LRRC37A2: variants seen among roughly 807,000 people sequenced by gnomAD.
The protein encoded by LRRC37A2 is leucine-rich repeat-containing protein 37A2.
LRRC37A2 carries 9 observed loss-of-function variants against 68.8 expected under a neutral mutation model. That is an observed-to-expected ratio of 0.13 (90% CI 0.08 to 0.23). The LOEUF is 0.23. LRRC37A2 is among the 10% of genes least tolerant of loss of function. The probability of loss-of-function intolerance (pLI) is 1.00; values close to 1 mark genes in which losing one functional copy is unlikely to be tolerated. For synonymous variants in LRRC37A2, 63 were observed against 367.6 expected (o/e 0.17, Z 9.48); for missense variants, 168 against 950.4 (o/e 0.18, Z 10.82).
the LRRC37A2 span, among the ~76,000 whole-genome samples, chr17:46,420,997 C>T: frequency 1.9e-5 from 1 of 52,234 alleles, no homozygotes; most frequent in Admixed American, 1.6e-4. Flanking sequence ...TGGGGTTTCA[C>T]CATGTTAATC....
At chr17:46,678,990 C>T in the LRRC37A2 span, among the ~76,000 whole-genome samples, 1 of 151,348 alleles carries the variant, frequency 6.6e-6, no homozygotes, top group East Asian at 1.9e-4. Context: ...AGTTGTGAAT[C>T]TCACAAATAA....
the LRRC37A2 span, among the ~76,000 whole-genome samples, chr17:46,981,484 G>C: frequency 6.6e-6 from 1 of 152,084 alleles, no homozygotes; most frequent in Admixed American, 6.6e-5. Flanking sequence ...TTTTAATGCA[G>C]AAAGAAGGCA....
chr17:46,980,851 TA>T, the LRRC37A2 span, among the ~76,000 whole-genome samples: 2 of 150,870 alleles, frequency 1.3e-5, no homozygotes, highest in African/African-American at 4.9e-5. Context: ...TAAAATAAAA[TA>T]AAATAAAAAA....
chr17:47,017,040 C>T, the LRRC37A2 span, among the ~76,000 whole-genome samples: 6 of 135,812 alleles, frequency 4.4e-5, no homozygotes, highest in African/African-American at 1.1e-4. Flanking sequence ...AGGGGTGTTC[C>T]GGCAGGGCAG....
the LRRC37A2 span, among the ~76,000 whole-genome samples, chr17:46,742,879 A>C: frequency 1.3e-5 from 2 of 152,192 alleles, no homozygotes; most frequent in African/African-American, 4.8e-5. Context: ...GTCTCTGTTG[A>C]ATAATACAAG....
At chr17:46,812,341 C>T in the LRRC37A2 span, among the ~76,000 whole-genome samples, 10 of 152,246 alleles carry the variant, frequency 6.6e-5, no homozygotes, top group Non-Finnish European at 1.2e-4. Context: ...CCCCTACCCC[C>T]GCCCCAAGAA....
the LRRC37A2 span, among the ~76,000 whole-genome samples, chr17:46,490,568 C>G: frequency 6.6e-6 from 1 of 150,468 alleles, no homozygotes; most frequent in East Asian, 2.0e-4. Context: ...ACTAAAAATA[C>G]AAAAAATTAG....
the LRRC37A2 span, among the ~76,000 whole-genome samples, chr17:46,779,950 G>C: frequency 1.3e-5 from 2 of 152,252 alleles, no homozygotes; most frequent in Non-Finnish European, 2.9e-5. Context: ...GTAGAGACAG[G>C]GTTTCGCAAT....
chr17:46,972,096 T>TC, the LRRC37A2 span, among the ~76,000 whole-genome samples: 145,229 of 152,188 alleles, frequency 0.95, 69,660 homozygotes, highest in East Asian at 1. Context: ...CGCTTTATGT[T>TC]CTATAGAGAC....
chr17:46,657,365 A>G, the LRRC37A2 span, among the ~76,000 whole-genome samples: 1 of 152,112 alleles, frequency 6.6e-6, no homozygotes, highest in African/African-American at 2.4e-5. Context: ...AAAAAATATA[A>G]TGGTTTCATG....
the LRRC37A2 span, among the ~76,000 whole-genome samples, chr17:46,752,699 G>A: frequency 2.0e-5 from 3 of 152,104 alleles, no homozygotes; most frequent in Admixed American, 6.5e-5. Flanking sequence ...CAAGTAATCC[G>A]TCTGCCTCAG....
At chr17:46,723,466 G>T in the LRRC37A2 span, among the ~76,000 whole-genome samples, 2 of 152,218 alleles carry the variant, frequency 1.3e-5, no homozygotes, top group Non-Finnish European at 2.9e-5. Context: ...TGTCTCGAAT[G>T]TACCAACTCA....
chr17:46,727,725 C>T, the LRRC37A2 span, among the ~76,000 whole-genome samples: 8 of 152,236 alleles, frequency 5.3e-5, no homozygotes, highest in East Asian at 1.5e-3. Flanking sequence ...ACTCATAGCT[C>T]TGTGTAAATT....
chr17:46,832,409 T>A, the LRRC37A2 span, among the ~76,000 whole-genome samples: 4 of 42,388 alleles, frequency 9.4e-5, no homozygotes, highest in African/African-American at 1.8e-4. Context: ...GAGAGGGGGG[T>A]GGTGGAGGAG....
chr17:46,763,986 C>A, the LRRC37A2 span: 1 of 152,212 alleles, frequency 6.6e-6, no homozygotes, highest in Non-Finnish European at 1.5e-5. Flanking sequence ...GCTCTTCAAA[C>A]GGCTGACCAG....
chr17:46,999,647 G>A, the LRRC37A2 span, among the ~76,000 whole-genome samples: 1 of 151,612 alleles, frequency 6.6e-6, no homozygotes, highest in East Asian at 2.0e-4. Context: ...ACCATGCCAG[G>A]CCTGTTAGGC....
chr17:46,453,958 G>A, the LRRC37A2 span, among the ~76,000 whole-genome samples: 16 of 55,340 alleles, frequency 2.9e-4, no homozygotes, highest in East Asian at 0.01. Context: ...ATATTCTATC[G>A]TTTCACATAT....
chr17:47,025,271 TAA>T, the LRRC37A2 span, among the ~76,000 whole-genome samples: 2 of 152,166 alleles, frequency 1.3e-5, no homozygotes, highest in African/African-American at 4.8e-5. Flanking sequence ...TGAAAGGAAC[TAA>T]AGTTAACTTC....
chr17:46,785,622 C>T, the LRRC37A2 span, among the ~76,000 whole-genome samples: 3 of 152,308 alleles, frequency 2.0e-5, no homozygotes, highest in Middle Eastern at 3.4e-3. Flanking sequence ...TTCAGGGCCA[C>T]GAGGGGCCTT....
Sources: gnomAD v4.1 joint callset for allele counts (sites outside exome capture counted in the v4.1 genomes callset) on GRCh38, gnomAD v4.1.1 for gene constraint, MANE v1.5 for transcripts, NCBI Gene and HGNC (gene_info 2026-07-23, HGNC 2026-07-21) for gene names.